MYO3A: variants seen among roughly 807,000 people sequenced by gnomAD.
MYO3A encodes the protein myosin IIIA, also known as myosin-IIIa.
In MYO3A, 180 loss-of-function variants were observed where a neutral mutation model predicts 192.7. The ratio of observed to expected loss-of-function variants is 0.93; its 90% CI spans 0.83 to 1.06. MYO3A has a LOEUF of 1.06. Ranked by LOEUF, MYO3A falls within the 50% of genes least tolerant of loss-of-function variation. The pLI, the probability that MYO3A is intolerant of heterozygous loss-of-function variation, is 0.00. For synonymous variants in MYO3A, 628 were observed against 645.3 expected (o/e 0.97, Z 0.41); for missense variants, 1,896 against 1,905.0 (o/e 1.00, Z 0.09).
At chr10:26,211,610 C>CATTT (rs1320369962) in intron 34 of MYO3A, among the ~76,000 whole-genome samples, 7 of 149,928 alleles carry the variant, frequency 4.7e-5, no homozygotes, top group Admixed American at 4.6e-4. Context: ...ATCTAAACAC[C>CATTT]ATTACCAGGC....
intron 30 of MYO3A, 48 bp from the exon 31 acceptor site, chr10:26,176,653 T>TCTGTATTCTTTTCCTTGATTTAAC: frequency 1.3e-6 from 2 of 1,562,048 alleles, no homozygotes; most frequent in Non-Finnish European, 1.8e-6. Flanking sequence ...TGCAGAACTC[T>TCTGTATTCTTTTCCTTGATTTAAC]CTGTATTCTT....
intron 20 of MYO3A, among the ~76,000 whole-genome samples, chr10:26,132,765 G>A (rs1839614919): frequency 1.3e-5 from 2 of 151,990 alleles, no homozygotes; most frequent in African/African-American, 2.4e-5. Flanking sequence ...GGAACTGAAT[G>A]TCAGAAGTAG....
At chr10:26,005,923 A>G (rs188478925) in intron 6 of MYO3A, among the ~76,000 whole-genome samples, 79 of 152,222 alleles carry the variant, frequency 5.2e-4, no homozygotes, top group African/African-American at 1.9e-3. Flanking sequence ...TTGAAAGGCA[A>G]GGTCTTTATA....
chr10:26,079,522 A>G (rs1588915284), intron 14 of MYO3A, among the ~76,000 whole-genome samples: 1 of 152,144 alleles, frequency 6.6e-6, no homozygotes, highest in East Asian at 1.9e-4. Flanking sequence ...GATGTGATAT[A>G]CGGTTGCATT....
At chr10:26,083,108 G>C (rs1159238158) in intron 14 of MYO3A, among the ~76,000 whole-genome samples, 1 of 152,042 alleles carries the variant, frequency 6.6e-6, no homozygotes, top group Non-Finnish European at 1.5e-5. Flanking sequence ...GGCAAATATG[G>C]TTTCTCTTTG....
At chr10:26,184,510 A>G (rs1218876929) in intron 31 of MYO3A, among the ~76,000 whole-genome samples, 2 of 152,236 alleles carry the variant, frequency 1.3e-5, no homozygotes, top group African/African-American at 4.8e-5. Context: ...ACTTAAGTAA[A>G]ACAGTGTAAT....
intron 17 of MYO3A, among the ~76,000 whole-genome samples, chr10:26,099,448 T>G (rs1837287510): frequency 6.6e-6 from 1 of 152,220 alleles, no homozygotes. Context: ...CAACACTATG[T>G]TGAATAGGAG....
At chr10:26,187,104 T>C (rs1842902946) in intron 31 of MYO3A, among the ~76,000 whole-genome samples, 1 of 152,242 alleles carries the variant, frequency 6.6e-6, no homozygotes, top group African/African-American at 2.4e-5. Flanking sequence ...TAGCACTACA[T>C]CTCTAAGCTG....
intron 4 of MYO3A, among the ~76,000 whole-genome samples, chr10:25,983,980 A>G (rs1409348085): frequency 6.6e-6 from 1 of 152,206 alleles, no homozygotes; most frequent in Non-Finnish European, 1.5e-5. Context: ...CAAAACAGTT[A>G]TCAGCCCAGA....
intron 31 of MYO3A, among the ~76,000 whole-genome samples, chr10:26,184,765 A>G (rs1842784268): frequency 6.6e-6 from 1 of 152,218 alleles, no homozygotes; most frequent in African/African-American, 2.4e-5. Flanking sequence ...ACAAGCTAAT[A>G]TTTACCACGC....
intron 4 of MYO3A, among the ~76,000 whole-genome samples, chr10:25,975,643 C>T (rs1838921029): frequency 1.3e-5 from 2 of 152,116 alleles, no homozygotes; most frequent in Admixed American, 1.3e-4. Flanking sequence ...TGACATTCCA[C>T]ATGAACCCAG....
At chr10:26,016,720 A>G in intron 6 of MYO3A, 100 bp from the exon 7 acceptor site, 5 of 1,164,536 alleles carry the variant, frequency 4.3e-6, no homozygotes, top group Non-Finnish European at 6.4e-6. Flanking sequence ...GGTTTGAGGA[A>G]ATGGAATTTT....
At chr10:26,019,217 CTATTTATTTATTTATTTATT>C (rs201592333) in intron 7 of MYO3A, among the ~76,000 whole-genome samples, 4,473 of 139,524 alleles carry the variant, frequency 0.032, 223 homozygotes, top group African/African-American at 0.11. Context: ...TCTGGTTATT[CTATTTATTTATTTATTTATT>C]TATTTATTTA....
intron 14 of MYO3A, among the ~76,000 whole-genome samples, chr10:26,074,633 A>G (rs955698475): frequency 6.1e-5 from 9 of 148,254 alleles, no homozygotes; most frequent in Non-Finnish European, 1.0e-4. Context: ...CAATAATGTT[A>G]TATATAATAT....
chr10:26,096,511 T>C, intron 16 of MYO3A, 32 bp downstream of exon 16: 2 of 1,602,580 alleles, frequency 1.2e-6, no homozygotes, highest in South Asian at 2.2e-5. Context: ...TCATCAATAA[T>C]ACTTTCACTT....
At chr10:25,987,053 G>A (rs1839697190) in intron 4 of MYO3A, among the ~76,000 whole-genome samples, 1 of 152,018 alleles carries the variant, frequency 6.6e-6, no homozygotes, top group African/African-American at 2.4e-5. Flanking sequence ...TAGAAATAAA[G>A]CCAAATACTT....
rs1190245370 is a variant in MYO3A at position 26,000,246 on chromosome 10, C to G, written c.508+2988C>G. Among the ~76,000 whole-genome samples, 6 of 152,198 alleles carry G rather than the reference C, an allele frequency of 3.9e-5. No individual in the cohort carries two copies. The South Asian group carries it at 1.0e-3, about 26-fold the overall frequency. Reference sequence around the variant, plus strand: ...TATTACCTATTAGCCAGGTCCACATCTTTCACTACCTTAAATGTGCCATAA... The same window carrying G: ...TATTACCTATTAGCCAGGTCCACATGTTTCACTACCTTAAATGTGCCATAA... On this transcript the variant is annotated intron_variant, in intron 6 of 34. Transcript: ENST00000642920.
chr10:26,036,436 T>A (rs4494223), intron 10 of MYO3A, among the ~76,000 whole-genome samples: 9,611 of 152,218 alleles, frequency 0.063, 390 homozygotes, highest in Non-Finnish European at 0.085. Context: ...CTCATGCCTA[T>A]GACGAGTTTT....
At chr10:26,025,495 A>C (rs1842499931) in intron 9 of MYO3A, among the ~76,000 whole-genome samples, 1 of 152,104 alleles carries the variant, frequency 6.6e-6, no homozygotes, top group Non-Finnish European at 1.5e-5. Flanking sequence ...TCTATACTTA[A>C]ATATCTCCAA....
Sources: allele counts gnomAD v4.1 joint callset (sites outside exome capture counted in the v4.1 genomes callset), GRCh38; gene constraint gnomAD v4.1.1; transcripts MANE v1.5; gene names NCBI Gene and HGNC (gene_info 2026-07-23, HGNC 2026-07-21).